Variants in FDFT1 observed in about 807,000 individuals in gnomAD.
FDFT1 encodes the protein squalene synthase.
A neutral mutation model predicts 46.8 loss-of-function variants in FDFT1; 68 were observed. The observed-to-expected ratio is 1.45, with a 90% CI of 1.19 to 1.78. The LOEUF (loss-of-function observed/expected upper bound fraction) is 1.78. FDFT1 is among the 40% of genes most tolerant of loss of function. The pLI, the probability that FDFT1 is intolerant of heterozygous loss-of-function variation, is 0.00. For synonymous variants in FDFT1, 351 were observed against 185.1 expected, an observed-to-expected ratio of 1.90 and a Z score of -7.28; for missense variants, 928 against 524.4, an observed-to-expected ratio of 1.77 and a Z score of -7.52.
intron 3 of FDFT1, among the ~76,000 whole-genome samples, chr8:11,814,306 T>TG (rs1363352272): frequency 6.6e-6 from 1 of 151,888 alleles, no homozygotes; most frequent in African/African-American, 2.4e-5. Flanking sequence ...ATAGGTTTTT[T>TG]TTTTTTTTTT....
rs71711801 is a variant in FDFT1 at position 11,808,709 on chromosome 8, G to GTCCCAC, written c.100-51_100-46dup. The GTCCCAC allele has an allele frequency of 9.2e-4, 1,389 of 1,515,068 alleles. 9 individuals carry two copies. Among genetic ancestry groups the GTCCCAC allele is most frequent in the East Asian group, 4.7e-3 (190 of 40,786 alleles). 93.9% of individuals were successfully genotyped at this position (1,515,068 alleles called of 1,614,324 possible). ...GCAGGCTGTGGAGCCGCCTGCCCCA[G>GTCCCAC]TCCCACTCCCACTCCCACTCCCACT... On this transcript the variant is annotated intron_variant, in intron 1 of 7. Transcript: ENST00000220584.
At chr8:11,808,739 CTCCCA>C (rs2130717313) in intron 1 of FDFT1, 50 bp from the exon 2 acceptor site, 2 of 1,588,248 alleles carry the variant, frequency 1.3e-6, no homozygotes, top group Non-Finnish European at 1.7e-6. Context: ...CCCACTCCCA[CTCCCA>C]CTCCTGCTCC....
chr8:11,837,044 G>T (rs964454103), intron 7 of FDFT1, among the ~76,000 whole-genome samples: 1 of 152,230 alleles, frequency 6.6e-6, no homozygotes, highest in African/African-American at 2.4e-5. Flanking sequence ...GTGGCTCCTG[G>T]CTGAACCTGG....
rs963424703 is a variant in FDFT1 at position 11,839,195 on chromosome 8, T to G, written c.*586T>G. ...ATTCTCATTTAAAGGAGTTTAGCTT[T>G]CAGAGAGAAACAGCAGGATTGCTTT... On this transcript the variant is annotated 3_prime_UTR_variant, in exon 8 of 8. Coordinates refer to ENST00000220584, the MANE Select transcript of FDFT1 (RefSeq NM_004462.5). 3 of 153,478 alleles carry G rather than the reference T, an allele frequency of 2.0e-5. No individual in the cohort carries two copies. Among genetic ancestry groups the G allele is most frequent in the Admixed American group, 1.9e-4 (3 of 15,432 alleles). The allele number at this position is 153,478 out of a possible 1,614,324, so 9.5% of individuals were successfully genotyped here.
In FDFT1 at chr8:11,821,896, G is replaced by C; in HGVS notation, c.510+18G>C. On this transcript the variant is annotated intron_variant, in intron 4 of 7. Coordinates refer to ENST00000220584, the MANE Select transcript of FDFT1 (RefSeq NM_004462.5). ...GGGACAAGGTTAGTCTCATAAAACAGTGTCTGTGTGTGATGTATTAGACAG... is the reference window on the plus strand; with the variant it reads ...GGGACAAGGTTAGTCTCATAAAACACTGTCTGTGTGTGATGTATTAGACAG... The C allele has an allele frequency of 1.9e-6, 3 of 1,610,570 alleles. No individual in the cohort carries two copies. Among genetic ancestry groups the C allele is most frequent in the Non-Finnish European group, 2.5e-6 (3 of 1,177,600 alleles).
At chr8:11,811,421 G>T (rs1336486883) in intron 3 of FDFT1, among the ~76,000 whole-genome samples, 1 of 152,194 alleles carries the variant, frequency 6.6e-6, no homozygotes, top group Non-Finnish European at 1.5e-5. Context: ...AATTTCTGGG[G>T]CATGGGATAA....
At chr8:11,796,229 A>T (rs544760821) in intron 1 of FDFT1, among the ~76,000 whole-genome samples, 1 of 152,346 alleles carries the variant, frequency 6.6e-6, no homozygotes, top group South Asian at 2.1e-4. Context: ...TTAATGGAAA[A>T]AGTGCTGTGT....
At chr8:11,821,983 C>G (rs1237226571) in intron 4 of FDFT1, 105 bp downstream of exon 4, 2 of 1,364,752 alleles carry the variant, frequency 1.5e-6, no homozygotes, top group South Asian at 1.3e-5. Context: ...TTCAGCCCCT[C>G]TGGTTTTACA....
intron 7 of FDFT1, among the ~76,000 whole-genome samples, chr8:11,836,388 C>T (rs748815934): frequency 6.6e-6 from 1 of 152,206 alleles, no homozygotes; most frequent in Non-Finnish European, 1.5e-5. Context: ...CTCCAGAGAC[C>T]TCTCGCTTCC....
upstream of FDFT1, chr8:11,802,641 C>T (rs1265030554): frequency 1.7e-6 from 1 of 597,006 alleles, no homozygotes; most frequent in Non-Finnish European, 3.0e-6. Context: ...CCCCACGAGG[C>T]CGCAGCTAGC....
intron 6 of FDFT1, 116 bp from the exon 7 acceptor site, chr8:11,831,402 T>C: frequency 1.2e-6 from 1 of 834,728 alleles, no homozygotes; most frequent in Non-Finnish European, 1.9e-6. Flanking sequence ...GATTCCATCT[T>C]AGTTGATTAG....
intron 3 of FDFT1, among the ~76,000 whole-genome samples, chr8:11,819,256 C>T (rs1389800305): frequency 6.6e-6 from 1 of 152,174 alleles, no homozygotes; most frequent in African/African-American, 2.4e-5. Context: ...GGTAACCCGA[C>T]CTTTCTCTCT....
chr8:11,814,988 A>G (rs565240787), intron 3 of FDFT1, among the ~76,000 whole-genome samples: 1 of 152,182 alleles, frequency 6.6e-6, no homozygotes, highest in South Asian at 2.1e-4. Flanking sequence ...CATTTACATT[A>G]GGTATTTCTC....
rs538339822 is a variant in FDFT1 at position 11,823,883 on chromosome 8, A to G, written c.510+2005A>G. Among the ~76,000 whole-genome samples, 279 of 152,298 alleles carry G rather than the reference A, an allele frequency of 1.8e-3. 2 individuals carry two copies. Among genetic ancestry groups the G allele is most frequent in the African/African-American group, 6.1e-3 (254 of 41,560 alleles). ...CTCAGCCTCCCCATTAGCTGGGACTATAGGTCCACACCACTACACCAGGCT... is the reference window on the plus strand; with the variant it reads ...CTCAGCCTCCCCATTAGCTGGGACTGTAGGTCCACACCACTACACCAGGCT... On this transcript the variant is annotated intron_variant, in intron 4 of 7. Coordinates refer to ENST00000220584, the MANE Select transcript of FDFT1 (RefSeq NM_004462.5).
intron 1 of FDFT1, among the ~76,000 whole-genome samples, chr8:11,806,461 G>A (rs563675957): frequency 6.6e-6 from 1 of 152,308 alleles, no homozygotes; most frequent in East Asian, 1.9e-4. Flanking sequence ...ACAGGAAAAA[G>A]AGCAGCAGGG....
intron 5 of FDFT1, among the ~76,000 whole-genome samples, chr8:11,826,869 C>G (rs559374170): frequency 6.6e-6 from 1 of 152,146 alleles, no homozygotes; most frequent in African/African-American, 2.4e-5. Context: ...GTTACTGTTG[C>G]TACACAGCTG....
At chr8:11,828,632 C>T (rs1238015444) in intron 5 of FDFT1, among the ~76,000 whole-genome samples, 2 of 152,276 alleles carry the variant, frequency 1.3e-5, no homozygotes, top group African/African-American at 4.8e-5. Context: ...CTGCTCTTCT[C>T]ATTCACTTAC....
At chr8:11,836,285 T>C (rs894202183) in intron 7 of FDFT1, among the ~76,000 whole-genome samples, 1 of 152,220 alleles carries the variant, frequency 6.6e-6, no homozygotes, top group Non-Finnish European at 1.5e-5. Flanking sequence ...ACAAGAGTAG[T>C]GTGTGAGACC....
intron 3 of FDFT1, among the ~76,000 whole-genome samples, chr8:11,815,945 G>T (rs1267202803): frequency 6.6e-6 from 1 of 152,166 alleles, no homozygotes; most frequent in Non-Finnish European, 1.5e-5. Flanking sequence ...CTTTGCCCAT[G>T]CCTATGTCCT....
Sources: gnomAD v4.1 joint callset for allele counts (sites outside exome capture counted in the v4.1 genomes callset) on GRCh38, gnomAD v4.1.1 for gene constraint, MANE v1.5 for transcripts, NCBI Gene and HGNC (gene_info 2026-07-23, HGNC 2026-07-21) for gene names.